The following CDK6 variants were observed in gnomAD, a reference collection of about 807,000 sequenced individuals.
CDK6 encodes the protein cyclin dependent kinase 6, also known as cyclin-dependent kinase 6.
In CDK6, 6 loss-of-function variants were observed where a neutral mutation model predicts 37.1. That is an observed-to-expected ratio of 0.16 (90% CI 0.09 to 0.32). The LOEUF (loss-of-function observed/expected upper bound fraction) is 0.32. Ranked by LOEUF, CDK6 falls within the 10% of genes least tolerant of loss-of-function variation. The probability of loss-of-function intolerance (pLI) is 1.00; values close to 1 mark genes in which losing one functional copy is unlikely to be tolerated. For synonymous variants in CDK6, 160 were observed against 161.3 expected, an observed-to-expected ratio of 0.99 and a Z score of 0.06; for missense variants, 224 against 418.9, an observed-to-expected ratio of 0.53 and a Z score of 4.06.
chr7:92,764,030 T>A (rs894667911), intron 3 of CDK6, among the ~76,000 whole-genome samples: 1 of 152,112 alleles, frequency 6.6e-6, no homozygotes, highest in Non-Finnish European at 1.5e-5. Context: ...TAGTTACTCA[T>A]TTTTGCAAAA....
intron 4 of CDK6, among the ~76,000 whole-genome samples, chr7:92,708,018 C>T (rs1321175228): frequency 2.0e-5 from 3 of 152,072 alleles, no homozygotes; most frequent in Non-Finnish European, 4.4e-5. Context: ...AATTTCTAAA[C>T]TTGTTATTCT....
chr7:92,671,646 A>G, intron 4 of CDK6, 111 bp from the exon 5 acceptor site: 1 of 524,326 alleles, frequency 1.9e-6, no homozygotes. Flanking sequence ...AACTCCTATA[A>G]ATCATATAAG....
intron 5 of CDK6, among the ~76,000 whole-genome samples, chr7:92,647,223 T>C (rs890146041): frequency 3.9e-5 from 6 of 152,194 alleles, no homozygotes; most frequent in Admixed American, 1.3e-4. Context: ...TATAGTTTCA[T>C]GAGTGATAGG....
intron 4 of CDK6, among the ~76,000 whole-genome samples, chr7:92,713,701 C>CTGAGATCT (rs1408397319): frequency 2.0e-5 from 3 of 148,234 alleles, no homozygotes; most frequent in African/African-American, 7.4e-5. Context: ...ACTAGTATCA[C>CTGAGATCT]TGAGATCTTG....
At chr7:92,640,053 GATA>G (rs1156806296) in intron 5 of CDK6, among the ~76,000 whole-genome samples, 1 of 152,164 alleles carries the variant, frequency 6.6e-6, no homozygotes, top group African/African-American at 2.4e-5. Context: ...TAGATCAGGA[GATA>G]ATACACCACC....
At chr7:92,689,937 GTGTC>G (rs1304192584) in intron 4 of CDK6, among the ~76,000 whole-genome samples, 1 of 152,052 alleles carries the variant, frequency 6.6e-6, no homozygotes, top group Non-Finnish European at 1.5e-5. Flanking sequence ...CTTTTGAAAA[GTGTC>G]TGTTCATGTC....
intron 2 of CDK6, among the ~76,000 whole-genome samples, chr7:92,794,733 G>A (rs1212831910): frequency 6.6e-6 from 1 of 152,088 alleles, no homozygotes; most frequent in Non-Finnish European, 1.5e-5. Flanking sequence ...GCTCAGCCAT[G>A]ATTGCTGAAT....
At chr7:92,692,270 G>A (rs1972508) in intron 4 of CDK6, among the ~76,000 whole-genome samples, 122,400 of 150,004 alleles carry the variant, frequency 0.82, 49,966 homozygotes, top group Middle Eastern at 0.9. Flanking sequence ...TCTCAAAAAA[G>A]AAAGAAAGAA....
Position 92,613,111 on chromosome 7 carries a change from C to G in CDK6, c.*2029G>C, listed in dbSNP as rs1795598398. On this transcript the variant is annotated 3_prime_UTR_variant, in exon 8 of 8. Coordinates refer to ENST00000424848, the MANE Select transcript of CDK6 (RefSeq NM_001145306.2). ...TCCTTTATTATCTTGCTCTAGAAAA[C>G]AATGTTCCTGTTCCTCAAGCTACTG... The G allele has an allele frequency of 4.3e-6, 1 of 232,974 alleles. No individual in the cohort carries two copies. The highest frequency in any genetic ancestry group is 8.5e-6 in the Non-Finnish European group (1 of 117,982). The allele number at this position is 232,974 out of a possible 1,614,324, so 14.4% of individuals were successfully genotyped here. A position where few individuals can be genotyped will look rare whatever the true frequency, so the allele number is the denominator to read the frequency against.
chr7:92,640,784 G>A (rs568850200), intron 5 of CDK6, among the ~76,000 whole-genome samples: 3 of 152,230 alleles, frequency 2.0e-5, no homozygotes, highest in African/African-American at 7.2e-5. Flanking sequence ...AAGGGCTCAG[G>A]GTTTTGAATA....
chr7:92,683,979 C>T (rs964403758), intron 4 of CDK6, among the ~76,000 whole-genome samples: 1 of 152,158 alleles, frequency 6.6e-6, no homozygotes, highest in Admixed American at 6.5e-5. Context: ...TTCTCTAAAA[C>T]TTTTCATTTT....
intron 6 of CDK6, among the ~76,000 whole-genome samples, chr7:92,622,428 A>T (rs1440749074): frequency 6.6e-6 from 1 of 152,218 alleles, no homozygotes; most frequent in Non-Finnish European, 1.5e-5. Context: ...TAACAGTAAT[A>T]GATAACTTTT....
Position 92,644,833 on chromosome 7 carries a change from C to T in CDK6, c.648-21747G>A, listed in dbSNP as rs3731339. ...TTTGTCTGCCAGTGGAACTCCACAACAACTGACCGAAGCTGTCACCACCCC... is the reference window on the plus strand; with the variant it reads ...TTTGTCTGCCAGTGGAACTCCACAATAACTGACCGAAGCTGTCACCACCCC... On this transcript the variant is annotated intron_variant, in intron 5 of 7. Coordinates refer to ENST00000424848, the MANE Select transcript of CDK6 (RefSeq NM_001145306.2). 4.6e-3 allele frequency among the ~76,000 whole-genome samples: 694 copies of T among 152,332 alleles called. 5 individuals carry two copies. The highest frequency in any genetic ancestry group is 0.015 in the South Asian group (73 of 4,830).
At position 92,611,838 on chromosome 7, in the gene CDK6, G is replaced by C. The variant is rs1218051293; in HGVS notation, c.*3302C>G. The C allele has an allele frequency of 4.3e-6, 1 of 231,720 alleles. No homozygotes were observed. Among genetic ancestry groups the C allele is most frequent in the Admixed American group, 5.6e-5 (1 of 17,706 alleles). 14.4% of individuals were successfully genotyped at this position (231,720 alleles called of 1,614,324 possible). On this transcript the variant is annotated 3_prime_UTR_variant, in exon 8 of 8. Coordinates refer to ENST00000424848, the MANE Select transcript of CDK6 (RefSeq NM_001145306.2). ...TCAACTATTTTTAGTAAGTCACCTGGGGCTAAATGAAAAGTCTGCCATTCA... is the reference window on the plus strand; with the variant it reads ...TCAACTATTTTTAGTAAGTCACCTGCGGCTAAATGAAAAGTCTGCCATTCA...
At chr7:92,698,705 T>G (rs1377900519) in intron 4 of CDK6, among the ~76,000 whole-genome samples, 2 of 152,234 alleles carry the variant, frequency 1.3e-5, no homozygotes, top group Non-Finnish European at 2.9e-5. Context: ...CTGGACGGTC[T>G]GTGCACTGCA....
intron 4 of CDK6, among the ~76,000 whole-genome samples, chr7:92,718,911 T>C (rs1798299469): frequency 6.6e-6 from 1 of 152,204 alleles, no homozygotes; most frequent in African/African-American, 2.4e-5. Flanking sequence ...CCATTCACCA[T>C]CATCCCTCAG....
chr7:92,724,217 G>T (rs934029909), intron 4 of CDK6, among the ~76,000 whole-genome samples: 5 of 152,128 alleles, frequency 3.3e-5, no homozygotes, highest in Non-Finnish European at 7.3e-5. Context: ...GCCCTTTCTG[G>T]TGTGATTACA....
rs1795461866 is a variant in CDK6, at chr7:92,607,792, T to TA, written c.*7347dup. The TA allele has an allele frequency of 1.3e-5, 3 of 232,960 alleles. No homozygotes were observed. The East Asian group carries it at 1.8e-4, about 14-fold the overall frequency. The allele number at this position is 232,960 out of a possible 1,614,324, so 14.4% of individuals were successfully genotyped here. ...GCTATAAATTCCATGTACTAACTAA[T>TA]ATATTTACTACAGGTAATAGGAAAA... On this transcript the variant is annotated 3_prime_UTR_variant, in exon 8 of 8. Transcript: ENST00000424848.
chr7:92,752,639 C>T (rs1451319143), intron 3 of CDK6, among the ~76,000 whole-genome samples: 1 of 152,124 alleles, frequency 6.6e-6, no homozygotes, highest in African/African-American at 2.4e-5. Context: ...AAAATACAGT[C>T]ACTATTAATT....
Sources: allele counts gnomAD v4.1 joint callset (sites outside exome capture counted in the v4.1 genomes callset), GRCh38; gene constraint gnomAD v4.1.1; transcripts MANE v1.5; gene names NCBI Gene and HGNC (gene_info 2026-07-23, HGNC 2026-07-21).